Variants in PRKAR1B observed in about 807,000 individuals in gnomAD.
The protein encoded by PRKAR1B is protein kinase cAMP-dependent type I regulatory subunit beta.
PRKAR1B carries 22 observed loss-of-function variants against 46.5 expected under a neutral mutation model. The ratio of observed to expected loss-of-function variants is 0.47; its 90% CI spans 0.34 to 0.68. The LOEUF is 0.68. Ranked by LOEUF, PRKAR1B falls within the 30% of genes least tolerant of loss-of-function variation. The pLI is 0.01. For synonymous variants in PRKAR1B, 259 were observed against 217.7 expected (o/e 1.19, Z -1.67); for missense variants, 445 against 535.6 (o/e 0.83, Z 1.67).
Position 574,053 on chromosome 7 carries a change from G to A in PRKAR1B, c.891+5203C>T, listed in dbSNP as rs904026988. 6.6e-5 allele frequency among the ~76,000 whole-genome samples: 10 copies of A among 152,236 alleles called. 1 individual carries two copies. Among genetic ancestry groups the A allele is most frequent in the East Asian group, 1.9e-4 (1 of 5,196 alleles). On this transcript the variant is annotated intron_variant, in intron 9 of 10. Coordinates refer to ENST00000537384, the MANE Select transcript of PRKAR1B (RefSeq NM_001164760.2). ...TCCTCTGTTCAGGGGTGAGAACACC[G>A]CGCGTGCGGCCTTGATCTGCTCTCT... is the stretch of plus-strand genomic sequence containing the variant.
intron 7 of PRKAR1B, among the ~76,000 whole-genome samples, chr7:585,987 G>C (rs1780571103): frequency 6.6e-6 from 1 of 152,176 alleles, no homozygotes; most frequent in Non-Finnish European, 1.5e-5. Flanking sequence ...GTGCTGACCA[G>C]GGGCACGCAG....
intron 4 of PRKAR1B, among the ~76,000 whole-genome samples, chr7:659,619 C>A (rs889657948): frequency 6.6e-6 from 1 of 152,182 alleles, no homozygotes; most frequent in Non-Finnish European, 1.5e-5. Flanking sequence ...AGGGAGGAAA[C>A]CCCAGGCCGC....
chr7:635,730 G>A (rs544241063), intron 4 of PRKAR1B, among the ~76,000 whole-genome samples: 14 of 152,216 alleles, frequency 9.2e-5, no homozygotes, highest in African/African-American at 3.4e-4. Flanking sequence ...AGGGAGACGG[G>A]GAAGCCTCAG....
intron 4 of PRKAR1B, among the ~76,000 whole-genome samples, chr7:654,133 T>C (rs1271615292): frequency 6.6e-6 from 1 of 150,616 alleles, no homozygotes; most frequent in East Asian, 2.0e-4. Context: ...ACCATCACCA[T>C]CATCACCATC....
intron 2 of PRKAR1B, 115 bp downstream of exon 2, chr7:711,214 G>C: frequency 7.1e-7 from 1 of 1,409,778 alleles, no homozygotes. Flanking sequence ...ACGGCAGACA[G>C]TCTCTGGGGC....
At chr7:554,436 G>A (rs1778282552) in intron 9 of PRKAR1B, among the ~76,000 whole-genome samples, 1 of 152,248 alleles carries the variant, frequency 6.6e-6, no homozygotes, top group African/African-American at 2.4e-5. Context: ...TCCTCTCTCA[G>A]AATCCAGGCG....
In PRKAR1B at chr7:579,465, G is replaced by A. The variant is rs112178965; in HGVS notation, c.770-88C>T. On this transcript the variant is annotated intron_variant, in intron 8 of 10. Coordinates refer to ENST00000537384, the MANE Select transcript of PRKAR1B (RefSeq NM_001164760.2). ...ACAAGGGCCACCGCTCTTCCCGAAA[G>A]GTGTCCTCAGAAGCAATCACAACAC... 2.5e-3 allele frequency: 3,938 copies of A among 1,545,036 alleles called. 49 individuals are homozygous for A. Among genetic ancestry groups the A allele is most frequent in the African/African-American group, 0.016 (1,198 of 73,918 alleles).
chr7:555,504 T>A (rs1444956922), intron 9 of PRKAR1B, among the ~76,000 whole-genome samples: 1 of 152,180 alleles, frequency 6.6e-6, no homozygotes, highest in African/African-American at 2.4e-5. Flanking sequence ...TAGGAAAGGA[T>A]GCACAGGTAC....
At chr7:598,136 C>A (rs560371937) in intron 6 of PRKAR1B, among the ~76,000 whole-genome samples, 73 of 152,052 alleles carry the variant, frequency 4.8e-4, no homozygotes, top group African/African-American at 1.7e-3. Flanking sequence ...AGGCATTCTG[C>A]ACTAAACACC....
intron 8 of PRKAR1B, among the ~76,000 whole-genome samples, chr7:583,749 C>A (rs1453178064): frequency 3.3e-5 from 5 of 151,516 alleles, no homozygotes; most frequent in African/African-American, 9.7e-5. Context: ...CACACCCATG[C>A]ATGTGCACTC....
At chr7:634,952 T>C (rs1783963977) in intron 4 of PRKAR1B, among the ~76,000 whole-genome samples, 1 of 152,058 alleles carries the variant, frequency 6.6e-6, no homozygotes, top group African/African-American at 2.4e-5. Context: ...CAACTTACTC[T>C]CAAATGATCC....
intron 7 of PRKAR1B, among the ~76,000 whole-genome samples, chr7:594,830 C>A (rs1402050508): frequency 2.0e-5 from 3 of 152,040 alleles, no homozygotes; most frequent in African/African-American, 7.2e-5. Context: ...ATCCCCTAGA[C>A]CATGAGGAGT....
At chr7:599,874 C>G (rs941150238) in intron 6 of PRKAR1B, among the ~76,000 whole-genome samples, 1 of 146,578 alleles carries the variant, frequency 6.8e-6, no homozygotes, top group Admixed American at 6.7e-5. Context: ...GGCACACGGG[C>G]AGGCCCCCCA....
At chr7:614,665 A>C (rs1430812548) in intron 4 of PRKAR1B, among the ~76,000 whole-genome samples, 2 of 152,220 alleles carry the variant, frequency 1.3e-5, no homozygotes, top group African/African-American at 4.8e-5. Context: ...TAATCCCAGC[A>C]CTTTGGGAGG....
intron 2 of PRKAR1B, among the ~76,000 whole-genome samples, chr7:693,868 C>T (rs975152097): frequency 4.6e-5 from 7 of 152,202 alleles, no homozygotes; most frequent in African/African-American, 9.7e-5. Flanking sequence ...CCGACAGCAG[C>T]GCACAAGGGT....
At chr7:727,868 A>T (rs1368070762), upstream of PRKAR1B, among the ~76,000 whole-genome samples, 1 of 150,126 alleles carries the variant, frequency 6.7e-6, no homozygotes, top group African/African-American at 2.5e-5. Flanking sequence ...CTGTCCAGAT[A>T]CCTGGAAACC....
At chr7:708,520 G>A (rs921073743) in intron 2 of PRKAR1B, among the ~76,000 whole-genome samples, 5 of 152,074 alleles carry the variant, frequency 3.3e-5, no homozygotes, top group African/African-American at 7.2e-5. Flanking sequence ...ACAGACTCTC[G>A]CTCTGTTGCC....
chr7:599,610 C>T (rs1411649916), intron 6 of PRKAR1B, among the ~76,000 whole-genome samples: 1 of 152,226 alleles, frequency 6.6e-6, no homozygotes, highest in African/African-American at 2.4e-5. Flanking sequence ...AAAGAAAAAA[C>T]AATGGGGGTC....
chr7:572,584 G>A (rs768821042), intron 9 of PRKAR1B, among the ~76,000 whole-genome samples: 17 of 151,854 alleles, frequency 1.1e-4, no homozygotes, highest in African/African-American at 2.9e-4. Flanking sequence ...ACACCTGTGC[G>A]GGGCTGGGGT....
Sources: allele counts gnomAD v4.1 joint callset (sites outside exome capture counted in the v4.1 genomes callset), GRCh38; gene constraint gnomAD v4.1.1; transcripts MANE v1.5; gene names NCBI Gene and HGNC (gene_info 2026-07-23, HGNC 2026-07-21).